AFF3: variants seen among roughly 807,000 people sequenced by gnomAD.
AFF3 encodes AF4/FMR2 family member 3.
Under a neutral mutation model 129.7 loss-of-function variants are expected in AFF3, and 32 were observed. The ratio of observed to expected loss-of-function variants is 0.25; its 90% CI spans 0.19 to 0.33. The LOEUF is 0.33. Ranked by LOEUF, AFF3 falls within the 10% of genes least tolerant of loss-of-function variation. The pLI is 1.00. For synonymous variants in AFF3, 644 were observed against 635.4 expected (o/e 1.01, Z -0.20); for missense variants, 1,373 against 1,592.0 (o/e 0.86, Z 2.34).
chr2:100,018,032 G>GTGTGTATA (rs372741359), intron 4 of AFF3, among the ~76,000 whole-genome samples: 17 of 149,942 alleles, frequency 1.1e-4, no homozygotes, highest in South Asian at 2.1e-4. Context: ...GTGTGTGTGT[G>GTGTGTATA]TATATATATA....
intron 7 of AFF3, among the ~76,000 whole-genome samples, chr2:99,957,469 G>C (rs962684609): frequency 6.6e-6 from 1 of 152,170 alleles, no homozygotes; most frequent in Non-Finnish European, 1.5e-5. Context: ...GGAAGGGGGA[G>C]AAAACAGAAC....
chr2:99,829,180 A>T (rs1403456515), intron 8 of AFF3, among the ~76,000 whole-genome samples: 2 of 152,242 alleles, frequency 1.3e-5, no homozygotes, highest in Non-Finnish European at 2.9e-5. Context: ...ATACATTAAG[A>T]AAGATTAATA....
At chr2:100,110,886 C>A (rs72966491) in intron 2 of AFF3, among the ~76,000 whole-genome samples, 1,708 of 152,296 alleles carry the variant, frequency 0.011, 27 homozygotes, top group African/African-American at 0.038. Flanking sequence ...AAGAACTGGG[C>A]ATATGACTTA....
chr2:99,597,258 T>C (rs1679382203), intron 14 of AFF3, among the ~76,000 whole-genome samples: 2 of 152,212 alleles, frequency 1.3e-5, no homozygotes, highest in African/African-American at 4.8e-5. Context: ...CGCATTCCTT[T>C]GAGAAATGTC....
At chr2:100,012,392 CA>C (rs1338081730) in intron 4 of AFF3, among the ~76,000 whole-genome samples, 1 of 152,200 alleles carries the variant, frequency 6.6e-6, no homozygotes, top group Admixed American at 6.5e-5. Flanking sequence ...ACAAGCCCCC[CA>C]CCACATATCA....
At chr2:99,825,484 G>A (rs77869958) in intron 8 of AFF3, among the ~76,000 whole-genome samples, 13 of 152,302 alleles carry the variant, frequency 8.5e-5, no homozygotes, top group Non-Finnish European at 1.6e-4. Context: ...TATGTTTCGA[G>A]TTGATCACTT....
In AFF3 at chr2:99,993,288, T is replaced by G. The variant is rs532559168; in HGVS notation, c.873+13344A>C. Among the ~76,000 whole-genome samples, 66 of 152,268 alleles carry G rather than the reference T, an allele frequency of 4.3e-4. No homozygotes were observed. In the South Asian group the frequency reaches 0.013, roughly 30 times the overall value. On this transcript the variant is annotated intron_variant, in intron 7 of 24. Transcript: ENST00000672756. ...TTTTTGGTTCTGAAAAATGCCGCCT[T>G]AAAAGAAAGAACCAAAATTGAATAG...
chr2:99,692,583 C>T (rs952044715), intron 11 of AFF3, among the ~76,000 whole-genome samples: 6 of 152,148 alleles, frequency 3.9e-5, no homozygotes, highest in Non-Finnish European at 8.8e-5. Flanking sequence ...ACCTGCAATG[C>T]CTGGCCTCCT....
intron 20 of AFF3, among the ~76,000 whole-genome samples, chr2:99,564,840 A>C (rs1441978545): frequency 6.6e-6 from 1 of 152,224 alleles, no homozygotes; most frequent in Non-Finnish European, 1.5e-5. Flanking sequence ...AACTGGCTAA[A>C]AACATAAACC....
chr2:99,727,208 A>T, intron 10 of AFF3, 80 bp from the exon 11 acceptor site: 2 of 1,323,712 alleles, frequency 1.5e-6, no homozygotes, highest in South Asian at 2.6e-5. Context: ...ATATATTTCC[A>T]TGCTCCTATT....
chr2:100,078,742 A>G (rs779377873), intron 4 of AFF3, among the ~76,000 whole-genome samples: 1 of 152,168 alleles, frequency 6.6e-6, no homozygotes, highest in Non-Finnish European at 1.5e-5. Context: ...TGGGGATACC[A>G]AAATCCTAGG....
intron 11 of AFF3, among the ~76,000 whole-genome samples, chr2:99,719,684 A>G (rs1312626705): frequency 6.6e-6 from 1 of 152,320 alleles, no homozygotes; most frequent in East Asian, 1.9e-4. Context: ...GTCACGAATC[A>G]GCTTTCTTAT....
intron 4 of AFF3, among the ~76,000 whole-genome samples, chr2:100,017,346 T>A (rs1367850124): frequency 6.6e-6 from 1 of 152,114 alleles, no homozygotes; most frequent in Non-Finnish European, 1.5e-5. Context: ...AAAATATCGG[T>A]CCCCTTTTAC....
chr2:99,700,276 A>G (rs748322072), intron 11 of AFF3, among the ~76,000 whole-genome samples: 1 of 152,106 alleles, frequency 6.6e-6, no homozygotes, highest in Non-Finnish European at 1.5e-5. Flanking sequence ...GTGTGCCACC[A>G]TGCCCGGCTA....
intron 11 of AFF3, among the ~76,000 whole-genome samples, chr2:99,674,364 C>T (rs1488946454): frequency 6.6e-6 from 1 of 152,160 alleles, no homozygotes; most frequent in Non-Finnish European, 1.5e-5. Context: ...TTTCCTTTGT[C>T]CTTGAGTCCC....
At chr2:99,653,938 G>A (rs187235440) in intron 12 of AFF3, among the ~76,000 whole-genome samples, 34 of 138,100 alleles carry the variant, frequency 2.5e-4, no homozygotes, top group African/African-American at 8.8e-4. Flanking sequence ...GGAGTGCAGT[G>A]ATGCGGTCTC....
At chr2:99,558,826 G>A (rs367744120) in intron 22 of AFF3, 49 bp downstream of exon 22, 4 of 1,572,378 alleles carry the variant, frequency 2.5e-6, no homozygotes, top group Non-Finnish European at 3.5e-6. Flanking sequence ...AATTTGACAG[G>A]GAGACAAGTG....
intron 4 of AFF3, among the ~76,000 whole-genome samples, chr2:100,043,124 T>C (rs1685570223): frequency 6.6e-6 from 1 of 152,094 alleles, no homozygotes; most frequent in African/African-American, 2.4e-5. Context: ...TTCACATTCC[T>C]ATGCCCAGAA....
intron 13 of AFF3, among the ~76,000 whole-genome samples, chr2:99,626,647 G>A (rs1473164233): frequency 1.3e-5 from 2 of 151,686 alleles, no homozygotes; most frequent in Non-Finnish European, 2.9e-5. Flanking sequence ...ATGTCACCGG[G>A]TTTGATGTGC....
Sources: gnomAD v4.1 joint callset for allele counts (sites outside exome capture counted in the v4.1 genomes callset) on GRCh38, gnomAD v4.1.1 for gene constraint, MANE v1.5 for transcripts, NCBI Gene and HGNC (gene_info 2026-07-23, HGNC 2026-07-21) for gene names.